OR8D1: variants seen among roughly 807,000 people sequenced by gnomAD.
OR8D1 encodes olfactory receptor family 8 subfamily D member 1.
For synonymous variants in OR8D1, 143 were observed against 147.0 expected (o/e 0.97, Z 0.20); for missense variants, 384 against 366.8 (o/e 1.05, Z -0.38).
In OR8D1 at chr11:124,308,947, C is replaced by T. The variant is rs532443515; in HGVS notation, c.*893G>A. The T allele has an allele frequency of 6.6e-6, 1 of 152,000 alleles. No individual in the cohort carries two copies. Among genetic ancestry groups the T allele is most frequent in the East Asian group, 1.9e-4 (1 of 5,136 alleles). 9.4% of individuals were successfully genotyped at this position (152,000 alleles called of 1,614,324 possible). On this transcript the variant is annotated 3_prime_UTR_variant, in exon 3 of 3. Coordinates refer to ENST00000641015, the MANE Select transcript of OR8D1 (RefSeq NM_001002917.2). ...CATGAGACCTAAGACCTGTGAAAAC[C>T]CAAGAAAAGCATTGTATACAGAGCT...
rs562996563 is a variant in OR8D1 at position 124,312,578 on chromosome 11, C to T, written c.-121-902G>A. On this transcript the variant is annotated intron_variant, in intron 1 of 2. Transcript: ENST00000641015. The stretch of plus-strand genomic sequence containing the variant: ...TGTCGCCCAGGCTGGAGTGCAATGG[C>T]GCCATCTCGGCTCATTGCAACCTCT... 1.9e-4 allele frequency among the ~76,000 whole-genome samples: 28 copies of T among 147,482 alleles called. 1 individual carries two copies. The South Asian group carries it at 6.0e-3, about 31-fold the overall frequency.
In OR8D1 at chr11:124,310,593, G is replaced by T; in HGVS notation, c.174C>A (p.Pro58=). Residue 58 remains proline (P), a synonymous_variant, in exon 3 of 3, where the codon CCC becomes CCA. Transcript: ENST00000641015. The part of the protein sequence containing the change: ...LIAVSPLLHT[P]MYYFLSSLSF... Reference sequence around the variant, plus strand: ...ACAAGCTGCTGAGGAAATAGTACATGGGGGTGTGAAGTAGAGGGCTGACTG... The same window carrying T: ...ACAAGCTGCTGAGGAAATAGTACATTGGGGTGTGAAGTAGAGGGCTGACTG... 1 of 1,613,930 alleles carries T rather than the reference G, an allele frequency of 6.2e-7. No individual in the cohort carries two copies. Among genetic ancestry groups the T allele is most frequent in the South Asian group, 1.1e-5 (1 of 91,076 alleles).
Position 124,310,441 on chromosome 11 carries a change from A to G in OR8D1, c.326T>C (p.Val109Ala), listed in dbSNP as rs1242071212. ...VQLFFFVVFV[V>A]AEGYLLTAMA... ...GGCAGTCAGGAGGTAACCCTCAGCC[A>G]CCACAAAGACCACAAAGAAAAAGAG... The change falls in exon 3 of 3, where the codon GTG (valine) becomes GCG (alanine). Residue 109 changes from valine (V) to alanine (A), a missense_variant. By Grantham distance (64) the Val-to-Ala change is moderately conservative. Transcript: ENST00000641015. 1.2e-6 allele frequency: 2 copies of G among 1,613,572 alleles called. No homozygotes were observed. Among genetic ancestry groups the G allele is most frequent in the East Asian group, 2.2e-5 (1 of 44,690 alleles).
At position 124,310,085 on chromosome 11, in the gene OR8D1, T is replaced by C; in HGVS notation, c.682A>G (p.Ile228Val). The change falls in exon 3 of 3, where the codon ATC becomes GTC. Residue 228 changes from isoleucine (I) to valine (V), a missense_variant. Coordinates refer to ENST00000641015, the MANE Select transcript of OR8D1 (RefSeq NM_001002917.2). ...TTGGACCGGCCCTCTGAGGAGCGGA[T>C]GTGAAGGATGCTGTAGAGGATGAAG... ...YAFILYSILH[I>V]RSSEGRSKAF... 6.2e-7 allele frequency: 1 copy of C among 1,613,444 alleles called. No individual in the cohort carries two copies. Among genetic ancestry groups the C allele is most frequent in the South Asian group, 1.1e-5 (1 of 91,054 alleles).
intron 2 of OR8D1, among the ~76,000 whole-genome samples, chr11:124,311,252 A>G (rs1591410211): frequency 6.6e-6 from 1 of 152,102 alleles, no homozygotes; most frequent in East Asian, 1.9e-4. Flanking sequence ...AACTGGAGTG[A>G]TGGTGGGCAT....
At position 124,304,353 on chromosome 11, in the gene OR8D1, G is replaced by C. The variant is rs1303002712; in HGVS notation, c.*5487C>G. The C allele has an allele frequency of 6.6e-6, 1 of 151,884 alleles. No homozygotes were observed. The highest frequency in any genetic ancestry group is 1.5e-5 in the Non-Finnish European group (1 of 67,908). 9.4% of individuals were successfully genotyped at this position (151,884 alleles called of 1,614,324 possible). A position where few individuals can be genotyped will look rare whatever the true frequency, so the allele number is the denominator to read the frequency against. Reference sequence around the variant, plus strand: ...ATTATTAAATGATATTCATCTGTTTGGTTGCATGCCTCGATAGATTGTCCC... The same window carrying C: ...ATTATTAAATGATATTCATCTGTTTCGTTGCATGCCTCGATAGATTGTCCC... On this transcript the variant is annotated 3_prime_UTR_variant, in exon 3 of 3. Transcript: ENST00000641015.
intron 1 of OR8D1, among the ~76,000 whole-genome samples, chr11:124,313,482 G>T (rs1011790840): frequency 6.6e-6 from 1 of 152,158 alleles, no homozygotes; most frequent in African/African-American, 2.4e-5. Context: ...CTGCACCAGA[G>T]CTGGTTGAAC....
rs954585186 is a variant in OR8D1 at position 124,304,908 on chromosome 11, A to T, written c.*4932T>A. On this transcript the variant is annotated 3_prime_UTR_variant, in exon 3 of 3. Transcript: ENST00000641015. Reference sequence around the variant, plus strand: ...AAATAGTGTCTTTTAATAATAAAAAATTTTAAATTTTGATGGAGTCACATT... The same window carrying T: ...AAATAGTGTCTTTTAATAATAAAAATTTTTAAATTTTGATGGAGTCACATT... The T allele has an allele frequency of 6.6e-6, 1 of 151,896 alleles. No individual in the cohort carries two copies. Among genetic ancestry groups the T allele is most frequent in the Non-Finnish European group, 1.5e-5 (1 of 67,894 alleles). 9.4% of individuals were successfully genotyped at this position (151,896 alleles called of 1,614,324 possible).
Position 124,307,911 on chromosome 11 carries a change from A to C in OR8D1, c.*1929T>G, listed in dbSNP as rs1249237183. 1 of 152,058 alleles carries C rather than the reference A, an allele frequency of 6.6e-6. No homozygotes were observed. Among genetic ancestry groups the C allele is most frequent in the Non-Finnish European group, 1.5e-5 (1 of 68,018 alleles). The allele number at this position is 152,058 out of a possible 1,614,324, so 9.4% of individuals were successfully genotyped here. A position where few individuals can be genotyped will look rare whatever the true frequency, so the allele number is the denominator to read the frequency against. Reference sequence around the variant, plus strand: ...GGAGCTTTCCCTTTAAAGGGGTGGTAGATTTCACTCATGAACCAAAAAATA... The same window carrying C: ...GGAGCTTTCCCTTTAAAGGGGTGGTCGATTTCACTCATGAACCAAAAAATA... On this transcript the variant is annotated 3_prime_UTR_variant, in exon 3 of 3. Transcript: ENST00000641015.
rs184966614 is a variant in OR8D1, at chr11:124,305,205, A to G, written c.*4635T>C. On this transcript the variant is annotated 3_prime_UTR_variant, in exon 3 of 3. Coordinates refer to ENST00000641015, the MANE Select transcript of OR8D1 (RefSeq NM_001002917.2). ...TATAGGGTACAAAGTAGGTCCCTAT[A>G]TAGATGGTCAGTTGATCTTAACAAA... is the stretch of plus-strand genomic sequence containing the variant. 28 of 152,106 alleles carry G rather than the reference A, an allele frequency of 1.8e-4. No homozygotes were observed. Among genetic ancestry groups the G allele is most frequent in the African/African-American group, 5.5e-4 (23 of 41,566 alleles). The allele number at this position is 152,106 out of a possible 1,614,324, so 9.4% of individuals were successfully genotyped here.
At position 124,309,467 on chromosome 11, in the gene OR8D1, C is replaced by T. The variant is rs534554194; in HGVS notation, c.*373G>A. On this transcript the variant is annotated 3_prime_UTR_variant, in exon 3 of 3. Transcript: ENST00000641015. ...TATCTGGGATCAGGCTAACATACCT[C>T]TTAGCATTCATATCAGTGGACAACT... 4.0e-4 allele frequency: 62 copies of T among 154,340 alleles called. No homozygotes were observed. The highest frequency in any genetic ancestry group is 7.6e-4 in the Non-Finnish European group (53 of 69,570). The allele number at this position is 154,340 out of a possible 1,614,324, so 9.6% of individuals were successfully genotyped here. A position where few individuals can be genotyped will look rare whatever the true frequency, so the allele number is the denominator to read the frequency against.
In OR8D1 at chr11:124,307,236, G is replaced by T. The variant is rs1037076804; in HGVS notation, c.*2604C>A. ...TTTGGGACTTTCCATGAGGAGAGAG[G>T]ATTTTGACCTCAGGAGCATGCAGTG... On this transcript the variant is annotated 3_prime_UTR_variant, in exon 3 of 3. Transcript: ENST00000641015. The T allele has an allele frequency of 6.8e-6, 1 of 147,892 alleles. No homozygotes were observed. Among genetic ancestry groups the T allele is most frequent in the Non-Finnish European group, 1.5e-5 (1 of 66,132 alleles). 9.2% of individuals were successfully genotyped at this position (147,892 alleles called of 1,614,324 possible). A position where few individuals can be genotyped will look rare whatever the true frequency, so the allele number is the denominator to read the frequency against.
rs944956060 is a variant in OR8D1, at chr11:124,306,386, TAATG to T, written c.*3450_*3453del. ...AAGTTTAATAGCTACTATATATATA[TAATG>T]AATATTATATATATAATATTCATAT... On this transcript the variant is annotated 3_prime_UTR_variant, in exon 3 of 3. Coordinates refer to ENST00000641015, the MANE Select transcript of OR8D1 (RefSeq NM_001002917.2). 2.7e-5 allele frequency: 4 copies of T among 148,532 alleles called. No individual in the cohort carries two copies. The Admixed American group carries it at 2.7e-4, about 10-fold the overall frequency. The allele number at this position is 148,532 out of a possible 1,614,324, so 9.2% of individuals were successfully genotyped here.
intron 1 of OR8D1, among the ~76,000 whole-genome samples, chr11:124,312,191 G>A (rs1306242959): frequency 6.6e-6 from 1 of 152,164 alleles, no homozygotes; most frequent in Non-Finnish European, 1.5e-5. Flanking sequence ...CATAACATCA[G>A]GAGATGAAAA....
In OR8D1 at chr11:124,307,921, C is replaced by T. The variant is rs1862381472; in HGVS notation, c.*1919G>A. 6.6e-6 allele frequency: 1 copy of T among 151,670 alleles called. No individual in the cohort carries two copies. Among genetic ancestry groups the T allele is most frequent in the Admixed American group, 6.6e-5 (1 of 15,176 alleles). 9.4% of individuals were successfully genotyped at this position (151,670 alleles called of 1,614,324 possible). On this transcript the variant is annotated 3_prime_UTR_variant, in exon 3 of 3. Coordinates refer to ENST00000641015, the MANE Select transcript of OR8D1 (RefSeq NM_001002917.2). ...CTTTAAAGGGGTGGTAGATTTCACT[C>T]ATGAACCAAAAAATAAAAAATAAAA...
At position 124,308,743 on chromosome 11, in the gene OR8D1, G is replaced by A. The variant is rs1389224761; in HGVS notation, c.*1097C>T. On this transcript the variant is annotated 3_prime_UTR_variant, in exon 3 of 3. Coordinates refer to ENST00000641015, the MANE Select transcript of OR8D1 (RefSeq NM_001002917.2). ...CAACTAATTTCAGCAAACACTAATG[G>A]TTTAATATGTGATATAGAGTGAAGA... 1 of 152,060 alleles carries A rather than the reference G, an allele frequency of 6.6e-6. No individual in the cohort carries two copies. The highest frequency in any genetic ancestry group is 1.9e-4 in the East Asian group (1 of 5,180). 9.4% of individuals were successfully genotyped at this position (152,060 alleles called of 1,614,324 possible).
Position 124,311,681 on chromosome 11 carries a change from A to G in OR8D1, c.-121-5T>C, listed in dbSNP as rs1047522746. ...GTACCCTTGGTGGTTTGGGCCCTGG[A>G]TACAAAGAAATAAAAGAGAATGCTG... On this transcript the variant is annotated splice_polypyrimidine_tract_variant and splice_region_variant and intron_variant, in intron 1 of 2. Transcript: ENST00000641015. 6.6e-6 allele frequency: 1 copy of G among 152,158 alleles called. No homozygotes were observed. The highest frequency in any genetic ancestry group is 1.5e-5 in the Non-Finnish European group (1 of 68,050). The allele number at this position is 152,158 out of a possible 1,614,324, so 9.4% of individuals were successfully genotyped here.
rs756279747 is a variant in OR8D1, at chr11:124,311,690, A to C, written c.-121-14T>G. 2 of 152,168 alleles carry C rather than the reference A, an allele frequency of 1.3e-5. No individual in the cohort carries two copies. The highest frequency in any genetic ancestry group is 2.4e-5 in the African/African-American group (1 of 41,452). The allele number at this position is 152,168 out of a possible 1,614,324, so 9.4% of individuals were successfully genotyped here. On this transcript the variant is annotated splice_polypyrimidine_tract_variant and intron_variant, in intron 1 of 2. Coordinates refer to ENST00000641015, the MANE Select transcript of OR8D1 (RefSeq NM_001002917.2). Reference sequence around the variant, plus strand: ...GTGGTTTGGGCCCTGGATACAAAGAAATAAAAGAGAATGCTGTACTTTTCC... The same window carrying C: ...GTGGTTTGGGCCCTGGATACAAAGACATAAAAGAGAATGCTGTACTTTTCC...
rs1031306909 is a variant in OR8D1, at chr11:124,307,407, T to G, written c.*2433A>C. ...CATATACAGAAGAGTTGTTTACAAA[T>G]AAGTGAATAACTTTAGAAGAGCACA... is the stretch of plus-strand genomic sequence containing the variant. On this transcript the variant is annotated 3_prime_UTR_variant, in exon 3 of 3. Coordinates refer to ENST00000641015, the MANE Select transcript of OR8D1 (RefSeq NM_001002917.2). 1.3e-5 allele frequency: 2 copies of G among 152,146 alleles called. No homozygotes were observed. The highest frequency in any genetic ancestry group is 2.9e-5 in the Non-Finnish European group (2 of 68,024). The allele number at this position is 152,146 out of a possible 1,614,324, so 9.4% of individuals were successfully genotyped here. A position where few individuals can be genotyped will look rare whatever the true frequency, so the allele number is the denominator to read the frequency against.
Sources: allele counts gnomAD v4.1 joint callset (sites outside exome capture counted in the v4.1 genomes callset), GRCh38; gene constraint gnomAD v4.1.1; transcripts MANE v1.5; gene names NCBI Gene and HGNC (gene_info 2026-07-23, HGNC 2026-07-21).